Variants in BCL11B observed in about 807,000 individuals in gnomAD.
The protein encoded by BCL11B is BCL11 transcription factor B.
A neutral mutation model predicts 49.9 loss-of-function variants in BCL11B; 8 were observed. The observed-to-expected ratio is 0.16, with a 90% CI of 0.09 to 0.29. The LOEUF (loss-of-function observed/expected upper bound fraction) is 0.29, where lower values mean the gene tolerates loss of function less well. Among genes scored for constraint, BCL11B ranks in the 10% least tolerant of loss-of-function variants. BCL11B has a pLI of 1.00. For missense variants in BCL11B, 1,006 were observed against 1,351.0 expected (o/e 0.74, Z 4.00); for synonymous variants, 739 against 637.4 (o/e 1.16, Z -2.40).
chr14:99,213,994 A>T lies in BCL11B; in HGVS notation c.640+17351T>A, dbSNP rs1392996492. Among the ~76,000 whole-genome samples, 1 of 152,086 alleles carries T rather than the reference A, an allele frequency of 6.6e-6. No individual in the cohort carries two copies. Among genetic ancestry groups the T allele is most frequent in the East Asian group, 1.9e-4 (1 of 5,168 alleles). ...CCTAGACCCAGTCCTCAGACCCCAC[A>T]GAGGGCAGGCAGAACCTGGGCTCAA... On this transcript the variant is annotated intron_variant, in intron 3 of 3. Transcript: ENST00000357195. The surrounding 1 kb of genome is among the most constrained non-coding windows in gnomAD (Gnocchi z 5.1).
chr14:99,269,886 A>T (rs1371807182), intron 1 of BCL11B, among the ~76,000 whole-genome samples: 6 of 79,958 alleles, frequency 7.5e-5, no homozygotes, highest in Non-Finnish European at 1.5e-4. Context: ...AAAAAAAAAA[A>T]AAAAAAAAAA....
In BCL11B at chr14:99,171,391, TATA is replaced by T; in HGVS notation, c.*2757_*2759del. ...ATTTTATCCTGCCAAATTAAAAAAA[TATA>T]TTATGGCAGCCTGTTTGTTTTTGTT... On this transcript the variant is annotated 3_prime_UTR_variant, in exon 4 of 4. Coordinates refer to ENST00000357195, the MANE Select transcript of BCL11B (RefSeq NM_138576.4). The T allele has an allele frequency of 4.6e-6, 1 of 218,642 alleles. No individual in the cohort carries two copies. Among genetic ancestry groups the T allele is most frequent in the Non-Finnish European group, 9.2e-6 (1 of 108,818 alleles). The allele number at this position is 218,642 out of a possible 1,614,324, so 13.5% of individuals were successfully genotyped here.
chr14:99,189,573 A>G (rs967457790), intron 3 of BCL11B, among the ~76,000 whole-genome samples: 5 of 152,188 alleles, frequency 3.3e-5, no homozygotes, highest in African/African-American at 1.2e-4. Flanking sequence ...CCAGACACCA[A>G]CACCCCAGCA....
intron 1 of BCL11B, among the ~76,000 whole-genome samples, chr14:99,260,655 T>A (rs919483989): frequency 6.6e-6 from 1 of 152,110 alleles, no homozygotes; most frequent in Non-Finnish European, 1.5e-5. Context: ...CTCTTTTTTT[T>A]ATTTTTTTAT....
Position 99,247,525 on chromosome 14 carries a change from G to A in BCL11B, c.427+9946C>T, listed in dbSNP as rs938987407. 1.3e-5 allele frequency among the ~76,000 whole-genome samples: 2 copies of A among 152,178 alleles called. No individual in the cohort carries two copies. The highest frequency in any genetic ancestry group is 2.9e-5 in the Non-Finnish European group (2 of 68,042). ...CAGTCTCTGCCCTCAAACCCCAAGG[G>A]AGGAGCCTGGAATCCCTGGTTGGCT... On this transcript the variant is annotated intron_variant, in intron 2 of 3. Coordinates refer to ENST00000357195, the MANE Select transcript of BCL11B (RefSeq NM_138576.4). The surrounding 1 kb of genome is among the most constrained non-coding windows in gnomAD (Gnocchi z 4.5).
rs1236574461 is a variant in BCL11B, at chr14:99,192,223, C to A, written c.641-16028G>T. On this transcript the variant is annotated intron_variant, in intron 3 of 3. Transcript: ENST00000357195. The surrounding 1 kb of genome is among the most constrained non-coding windows in gnomAD (Gnocchi z 4.0). Reference sequence around the variant, plus strand: ...GCTTGGCGGCTGTTCATAATACTGTCTTGGCAGCGTTTCCTTGGAGCGCAC... The same window carrying A: ...GCTTGGCGGCTGTTCATAATACTGTATTGGCAGCGTTTCCTTGGAGCGCAC... Among the ~76,000 whole-genome samples the A allele has an allele frequency of 6.6e-6, 1 of 152,196 alleles. No individual in the cohort carries two copies. The highest frequency in any genetic ancestry group is 1.5e-5 in the Non-Finnish European group (1 of 68,046).
intron 3 of BCL11B, among the ~76,000 whole-genome samples, chr14:99,187,208 T>C (rs751539715): frequency 1.3e-5 from 2 of 152,034 alleles, no homozygotes; most frequent in African/African-American, 2.4e-5. Context: ...GCCGCAGGGG[T>C]ATCATGGCAC....
rs1194920590 is a variant in BCL11B at position 99,242,309 on chromosome 14, C to T, written c.428-10752G>A. 2.6e-5 allele frequency among the ~76,000 whole-genome samples: 4 copies of T among 152,202 alleles called. No individual in the cohort carries two copies. Among genetic ancestry groups the T allele is most frequent in the Admixed American group, 6.5e-5 (1 of 15,286 alleles). On this transcript the variant is annotated intron_variant, in intron 2 of 3. Coordinates refer to ENST00000357195, the MANE Select transcript of BCL11B (RefSeq NM_138576.4). This position sits in a 1 kb window ranked among gnomAD's most constrained non-coding sequence, Gnocchi z 4.4. ...GTCCCCCTGCTTCCCTACCTTTTCT[C>T]GCAAACCATGTGGGCTGGGTACAGC... is the stretch of plus-strand genomic sequence containing the variant.
chr14:99,231,121 G>A lies in BCL11B; in HGVS notation c.640+224C>T, dbSNP rs1031396234. The stretch of plus-strand genomic sequence containing the variant: ...GCTGGGGAATGCATTCTGGGAGCAA[G>A]ACTCTCAGAACGGGTGGGGGCACCG... On this transcript the variant is annotated intron_variant, in intron 3 of 3. Coordinates refer to ENST00000357195, the MANE Select transcript of BCL11B (RefSeq NM_138576.4). The surrounding 1 kb of genome is among the most constrained non-coding windows in gnomAD (Gnocchi z 8.1). Among the ~76,000 whole-genome samples the A allele has an allele frequency of 2.0e-5, 3 of 152,204 alleles. No homozygotes were observed. Among genetic ancestry groups the A allele is most frequent in the African/African-American group, 7.2e-5 (3 of 41,456 alleles).
At chr14:99,187,364 G>C (rs542467701) in intron 3 of BCL11B, among the ~76,000 whole-genome samples, 1 of 152,266 alleles carries the variant, frequency 6.6e-6, no homozygotes, top group Admixed American at 6.5e-5. Context: ...CCCGCCTTCG[G>C]ATAAGGCACA....
chr14:99,250,728 T>C (rs1888984273), intron 2 of BCL11B, among the ~76,000 whole-genome samples: 1 of 152,220 alleles, frequency 6.6e-6, no homozygotes, highest in Non-Finnish European at 1.5e-5. Context: ...AGGCTGAATG[T>C]TGGTTAAGTT....
At chr14:99,182,287 T>C (rs1231400191) in intron 3 of BCL11B, among the ~76,000 whole-genome samples, 2 of 152,178 alleles carry the variant, frequency 1.3e-5, no homozygotes, top group Non-Finnish European at 2.9e-5. Context: ...ACCGTCATGA[T>C]GACCATTTTA....
Position 99,174,193 on chromosome 14 carries a change from C to G in BCL11B, c.2643G>C (p.Leu881Phe). 6.2e-7 allele frequency: 1 copy of G among 1,613,646 alleles called. No homozygotes were observed. The highest frequency in any genetic ancestry group is 2.2e-5 in the East Asian group (1 of 44,818). ...GCTCGATTTTGACGTCGTTAGTCAG[C>G]AAGTGCTCGCCGTGCCACTTTTTCA... ...KHMKKWHGEH[L>F]LTNDVKIEQA... The change falls in exon 4 of 4, where the codon TTG becomes TTC. Residue 881 changes from leucine (L) to phenylalanine (F), a missense_variant. This residue lies in a region of BCL11B where 16 missense variants were observed against 24.1 expected (regional missense o/e 0.67). Coordinates refer to ENST00000357195, the MANE Select transcript of BCL11B (RefSeq NM_138576.4).
Position 99,231,627 on chromosome 14 carries a change from G to A in BCL11B, c.428-70C>T, listed in dbSNP as rs985219019. 2.7e-5 allele frequency: 39 copies of A among 1,465,152 alleles called. 1 individual carries two copies. The highest frequency in any genetic ancestry group is 2.4e-4 in the Admixed American group (12 of 50,410). The allele number at this position is 1,465,152 out of a possible 1,614,324, so 90.8% of individuals were successfully genotyped here. A position where few individuals can be genotyped will look rare whatever the true frequency, so the allele number is the denominator to read the frequency against. ...CTGTGTGAGGGGCACGGGGTGGGAC[G>A]GGGCTCGGGGCGTGGGGCTCTGCTC... is the stretch of plus-strand genomic sequence containing the variant. On this transcript the variant is annotated intron_variant, in intron 2 of 3. Coordinates refer to ENST00000357195, the MANE Select transcript of BCL11B (RefSeq NM_138576.4). This position sits in a 1 kb window ranked among gnomAD's most constrained non-coding sequence, Gnocchi z 8.1.
At position 99,257,818 on chromosome 14, in the gene BCL11B, G is replaced by T. The variant is rs2139954475; in HGVS notation, c.80C>A (p.Ala27Asp). 1 of 1,542,898 alleles carries T rather than the reference G, an allele frequency of 6.5e-7. No individual in the cohort carries two copies. Among genetic ancestry groups the T allele is most frequent in the Non-Finnish European group, 8.8e-7 (1 of 1,142,000 alleles). ...ACCCTCGTCTTCTTCGAGGATGGCG[G>T]CCTCCACATGGTCAGCCTCTGCTGG... ...LITPEADHVE[A>D]AILEEDEGLE... The change falls in exon 2 of 4, where the codon GCC becomes GAC. Residue 27 changes from alanine to aspartate, a missense_variant. Physicochemically the swap from Ala to Asp is moderately radical, Grantham distance 126. Coordinates refer to ENST00000357195, the MANE Select transcript of BCL11B (RefSeq NM_138576.4). The surrounding 1 kb of genome is among the most constrained non-coding windows in gnomAD (Gnocchi z 6.2).
At position 99,248,298 on chromosome 14, in the gene BCL11B, G is replaced by A. The variant is rs962130347; in HGVS notation, c.427+9173C>T. On this transcript the variant is annotated intron_variant, in intron 2 of 3. Coordinates refer to ENST00000357195, the MANE Select transcript of BCL11B (RefSeq NM_138576.4). The surrounding 1 kb of genome is among the most constrained non-coding windows in gnomAD (Gnocchi z 4.7). The stretch of plus-strand genomic sequence containing the variant: ...CAAAAACAAAATAAAATGAAGCCTC[G>A]GGTGCCTTGCCTTCTCCAGCAAGGC... Among the ~76,000 whole-genome samples the A allele has an allele frequency of 2.0e-5, 3 of 152,016 alleles. No individual in the cohort carries two copies. In the South Asian group the frequency reaches 6.2e-4, roughly 32 times the overall value.
At chr14:99,190,453 A>T (rs1045589606) in intron 3 of BCL11B, among the ~76,000 whole-genome samples, 4 of 152,262 alleles carry the variant, frequency 2.6e-5, no homozygotes, top group Non-Finnish European at 5.9e-5. Context: ...GCACCATTGC[A>T]CTCCAGCCTG....
At chr14:99,259,387 C>T (rs991228637) in intron 1 of BCL11B, among the ~76,000 whole-genome samples, 11 of 152,142 alleles carry the variant, frequency 7.2e-5, no homozygotes, top group African/African-American at 2.7e-4. Flanking sequence ...TTTCTGAACA[C>T]GAGCCTATGC....
intron 3 of BCL11B, among the ~76,000 whole-genome samples, chr14:99,221,357 A>G (rs1231713817): frequency 6.6e-6 from 1 of 152,210 alleles, no homozygotes; most frequent in African/African-American, 2.4e-5. Context: ...AGTTTTATGA[A>G]AAGATTCCAG....
Sources: allele counts gnomAD v4.1 joint callset (sites outside exome capture counted in the v4.1 genomes callset), GRCh38; gene constraint gnomAD v4.1.1; regional missense constraint gnomAD v4.1.1; non-coding constraint Gnocchi (gnomAD v3.1); transcripts MANE v1.5; gene names NCBI Gene and HGNC (gene_info 2026-07-23, HGNC 2026-07-21).